PAPOLG: variants seen among roughly 807,000 people sequenced by gnomAD.
The protein encoded by PAPOLG is poly(A) polymerase gamma.
A neutral mutation model predicts 99.0 loss-of-function variants in PAPOLG; 40 were observed. The ratio of observed to expected loss-of-function variants is 0.40; its 90% confidence interval spans 0.31 to 0.53. The LOEUF is 0.53. PAPOLG is among the 20% of genes least tolerant of loss of function. The probability of loss-of-function intolerance (pLI) is 0.41; values close to 1 mark genes in which losing one functional copy is unlikely to be tolerated. For missense variants in PAPOLG, 675 were observed against 884.1 expected (o/e 0.76, Z 3.00); for synonymous variants, 310 against 299.3 (o/e 1.04, Z -0.37).
At chr2:60,767,950 A>G (rs1670731840) in intron 3 of PAPOLG, among the ~76,000 whole-genome samples, 1 of 152,120 alleles carries the variant, frequency 6.6e-6, no homozygotes, top group African/African-American at 2.4e-5. Context: ...AGTGGGGGTG[A>G]ATTTGTTTTG....
At chr2:60,796,670 C>T (rs1194385678) in intron 21 of PAPOLG, among the ~76,000 whole-genome samples, 1 of 152,086 alleles carries the variant, frequency 6.6e-6, no homozygotes, top group Non-Finnish European at 1.5e-5. Context: ...TGCACACACT[C>T]ATTTTTCACT....
chr2:60,787,754 GT>G, intron 15 of PAPOLG, 134 bp downstream of exon 15: 1 of 1,217,462 alleles, frequency 8.2e-7, no homozygotes, highest in East Asian at 2.7e-5. Flanking sequence ...CCGTATTGCT[GT>G]TAAAACAGGA....
At position 60,782,742 on chromosome 2, in the gene PAPOLG, G is replaced by C; in HGVS notation, c.1084G>C (p.Glu362Gln). The change falls in exon 12 of 22, where the codon GAG becomes CAG. Residue 362 changes from glutamate to glutamine, a missense_variant. Coordinates refer to ENST00000238714, the MANE Select transcript of PAPOLG (RefSeq NM_022894.4). ...AAAGTCAGATTGGTCCAAACTACTTGAGCCACCGAATTTCTTTCAAAAGTA... is the reference window on the plus strand; with the variant it reads ...AAAGTCAGATTGGTCCAAACTACTTCAGCCACCGAATTTCTTTCAAAAGTA... Reference protein sequence around the residue: ...QGKSDWSKLLEPPNFFQKYRH... With the variant: ...QGKSDWSKLLQPPNFFQKYRH... The C allele has an allele frequency of 1.3e-6, 2 of 1,512,068 alleles. No homozygotes were observed. Among genetic ancestry groups the C allele is most frequent in the South Asian group, 1.2e-5 (1 of 81,296 alleles). 93.7% of individuals were successfully genotyped at this position (1,512,068 alleles called of 1,614,324 possible). A position where few individuals can be genotyped will look rare whatever the true frequency, so the allele number is the denominator to read the frequency against.
chr2:60,790,666 A>C (rs1413432310), intron 15 of PAPOLG, among the ~76,000 whole-genome samples: 1 of 152,216 alleles, frequency 6.6e-6, no homozygotes, highest in Non-Finnish European at 1.5e-5. Flanking sequence ...TCTCAACTGT[A>C]CAATAAGGAT....
intron 3 of PAPOLG, among the ~76,000 whole-genome samples, chr2:60,766,833 TAAG>T (rs1298989588): frequency 1.3e-5 from 2 of 152,176 alleles, no homozygotes; most frequent in East Asian, 1.9e-4. Flanking sequence ...GAAAGGAAGA[TAAG>T]AAGACAAGGC....
chr2:60,779,815 C>G (rs368737466), intron 9 of PAPOLG, 40 bp downstream of exon 9: 27 of 1,531,536 alleles, frequency 1.8e-5, no homozygotes, highest in African/African-American at 1.5e-4. Flanking sequence ...TTACTAATCT[C>G]TACCTATGCG....
chr2:60,785,707 T>TTA (rs1671341921), intron 13 of PAPOLG, among the ~76,000 whole-genome samples: 1 of 150,794 alleles, frequency 6.6e-6, no homozygotes, highest in African/African-American at 2.4e-5. Context: ...TTTTTTTTTT[T>TTA]ATCTTATAGG....
chr2:60,794,974 G>A lies in PAPOLG; in HGVS notation c.2066G>A (p.Gly689Glu). The A allele has an allele frequency of 1.9e-6, 3 of 1,613,384 alleles. 1 individual carries two copies. Among genetic ancestry groups the A allele is most frequent in the South Asian group, 2.2e-5 (2 of 91,028 alleles). The change falls in exon 21 of 22, where the codon GGA becomes GAA. Residue 689 changes from glycine to glutamate, a missense_variant. Coordinates refer to ENST00000238714, the MANE Select transcript of PAPOLG (RefSeq NM_022894.4). ...ERKRKSVDAI[G>E]GESMPIPTID... ...TTCTTCTGTTTTTAGGATGCCATTG[G>A]AGGAGAATCTATGCCTATTCCAACT...
intron 8 of PAPOLG, among the ~76,000 whole-genome samples, chr2:60,776,731 T>G (rs956971416): frequency 2.0e-5 from 3 of 152,066 alleles, no homozygotes; most frequent in Non-Finnish European, 4.4e-5. Context: ...CCCGGCCAGC[T>G]TCAATTTAAA....
chr2:60,772,765 T>G (rs1670894064), intron 7 of PAPOLG, among the ~76,000 whole-genome samples: 1 of 151,888 alleles, frequency 6.6e-6, no homozygotes, highest in South Asian at 2.1e-4. Flanking sequence ...AAAGAAAAAA[T>G]CTGTCCTCTT....
chr2:60,772,820 A>G (rs920269852), intron 7 of PAPOLG, among the ~76,000 whole-genome samples: 1 of 152,106 alleles, frequency 6.6e-6, no homozygotes, highest in Non-Finnish European at 1.5e-5. Flanking sequence ...TCAGATAATT[A>G]TGGATATTCT....
rs774866397 is a variant in PAPOLG, at chr2:60,795,021, G to T, written c.2112+1G>T. 6.8e-6 allele frequency: 11 copies of T among 1,609,194 alleles called. No individual in the cohort carries two copies. The highest frequency in any genetic ancestry group is 8.5e-6 in the Non-Finnish European group (10 of 1,176,022). On this transcript the variant is annotated splice_donor_variant, in intron 21 of 21. Transcript: ENST00000238714. LOFTEE classifies it high-confidence loss of function. Reference sequence around the variant, plus strand: ...AACTATTGATACATCACGCAAAAAGGTAACAAGATAGTCTTGTTCATAGGT... The same window carrying T: ...AACTATTGATACATCACGCAAAAAGTTAACAAGATAGTCTTGTTCATAGGT...
chr2:60,781,950 T>A lies in PAPOLG; in HGVS notation c.972T>A (p.Ser324=). ...IITPAYPQQN[S]TYNVSTSTRT... The stretch of plus-strand genomic sequence containing the variant: ...CCCCTGCCTACCCACAACAGAATTC[T>A]ACGTATAATGTGTCCACATCAACTC... The change falls in exon 11 of 22, where the codon TCT becomes TCA. Residue 324 remains serine (S), a synonymous_variant. Coordinates refer to ENST00000238714, the MANE Select transcript of PAPOLG (RefSeq NM_022894.4). 6.2e-7 allele frequency: 1 copy of A among 1,613,904 alleles called. No individual in the cohort carries two copies.
intron 1 of PAPOLG, 21 bp from the exon 2 acceptor site, chr2:60,760,113 T>G (rs746572766): frequency 6.2e-7 from 1 of 1,608,298 alleles, no homozygotes; most frequent in South Asian, 1.1e-5. Flanking sequence ...TTTGTTTCAT[T>G]TTTCTTATTT....
chr2:60,764,842 T>A (rs1403157284), intron 3 of PAPOLG, among the ~76,000 whole-genome samples: 1 of 152,212 alleles, frequency 6.6e-6, no homozygotes, highest in Non-Finnish European at 1.5e-5. Flanking sequence ...AAGACTACAG[T>A]CGTTGAGTTT....
chr2:60,794,789 T>G lies in PAPOLG; in HGVS notation c.2055+14T>G, dbSNP rs1671646801. On this transcript the variant is annotated intron_variant, in intron 20 of 21. Transcript: ENST00000238714. Reference sequence around the variant, plus strand: ...AGAAAATCAGTGGTAAATATATTAATAGTGTGCTTCAGAATATTTATTGTA... The same window carrying G: ...AGAAAATCAGTGGTAAATATATTAAGAGTGTGCTTCAGAATATTTATTGTA... 1 of 1,582,620 alleles carries G rather than the reference T, an allele frequency of 6.3e-7. No individual in the cohort carries two copies. Among genetic ancestry groups the G allele is most frequent in the African/African-American group, 1.3e-5 (1 of 74,164 alleles).
rs1180457124 is a variant in PAPOLG at position 60,758,682 on chromosome 2, GCCTCCCAGA to G, written c.18-1451_18-1443del. Among the ~76,000 whole-genome samples the G allele has an allele frequency of 3.4e-4, 51 of 152,192 alleles. 1 individual carries two copies. The highest frequency in any genetic ancestry group is 2.6e-3 in the Admixed American group (39 of 15,284). The stretch of plus-strand genomic sequence containing the variant: ...GACCTCAAGTAATCCACCTGCCTTG[GCCTCCCAGA>G]GTACTGGGATTACAGGCATGAGGCA... On this transcript the variant is annotated intron_variant, in intron 1 of 21. Coordinates refer to ENST00000238714, the MANE Select transcript of PAPOLG (RefSeq NM_022894.4).
At chr2:60,776,417 CATTTTTTTTTTT>C (rs1279106379) in intron 8 of PAPOLG, among the ~76,000 whole-genome samples, 1 of 121,530 alleles carries the variant, frequency 8.2e-6, no homozygotes, top group Non-Finnish European at 1.7e-5. Context: ...GCATTGGCTT[CATTTTTTTTTTT>C]TTTTTTTTTT....
At position 60,795,014 on chromosome 2, in the gene PAPOLG, CA is replaced by C; in HGVS notation, c.2111del (p.Lys704ArgfsTer29). 1.2e-6 allele frequency: 2 copies of C among 1,608,938 alleles called. No homozygotes were observed. The highest frequency in any genetic ancestry group is 1.7e-6 in the Non-Finnish European group (2 of 1,176,782). ...MPIPTIDTSR[K>X]KRLPSKELPD... Reference sequence around the variant, plus strand: ...CTATTCCAACTATTGATACATCACGCAAAAAGGTAACAAGATAGTCTTGTTC... The same window carrying C: ...CTATTCCAACTATTGATACATCACGCAAAAGGTAACAAGATAGTCTTGTTC... On this transcript the variant is annotated frameshift_variant, in exon 21 of 22. Coordinates refer to ENST00000238714, the MANE Select transcript of PAPOLG (RefSeq NM_022894.4). LOFTEE classifies it high-confidence loss of function.
Sources: gnomAD v4.1 joint callset for allele counts (sites outside exome capture counted in the v4.1 genomes callset) on GRCh38, gnomAD v4.1.1 for gene constraint, MANE v1.5 for transcripts, NCBI Gene and HGNC (gene_info 2026-07-23, HGNC 2026-07-21) for gene names.